The following IFNGR1 variants were observed in gnomAD, a reference collection of about 807,000 sequenced individuals.
IFNGR1 encodes interferon gamma receptor 1.
Under a neutral mutation model 35.4 loss-of-function variants are expected in IFNGR1, and 23 were observed. That is an observed-to-expected ratio of 0.65 (90% CI 0.47 to 0.92). The LOEUF (loss-of-function observed/expected upper bound fraction) is 0.92. Among genes scored for constraint, IFNGR1 ranks in the 40% least tolerant of loss-of-function variants. The pLI is 0.00. For missense variants in IFNGR1, 533 were observed against 583.4 expected, an observed-to-expected ratio of 0.91 and a Z score of 0.89; for synonymous variants, 199 against 209.5, an observed-to-expected ratio of 0.95 and a Z score of 0.43.
In IFNGR1 at chr6:137,212,830, G is replaced by C. The variant is rs140362347; in HGVS notation, c.86-5753C>G. On this transcript the variant is annotated intron_variant, in intron 1 of 6. Coordinates refer to ENST00000367739, the MANE Select transcript of IFNGR1 (RefSeq NM_000416.3). ...CCTGATATGGTTAGACTAGGACAAG[G>C]ACTTAAATCATAGCTTTCAAAGCAA... Among the ~76,000 whole-genome samples the C allele has an allele frequency of 2.2e-3, 329 of 152,282 alleles. 1 individual carries two copies. Among genetic ancestry groups the C allele is most frequent in the African/African-American group, 7.0e-3 (290 of 41,560 alleles).
intron 1 of IFNGR1, among the ~76,000 whole-genome samples, chr6:137,210,947 T>C (rs1213114248): frequency 6.6e-6 from 1 of 152,204 alleles, no homozygotes; most frequent in Non-Finnish European, 1.5e-5. Flanking sequence ...TTTAGGTAAA[T>C]AATAGGCACT....
chr6:137,219,168 G>A (rs1298664446), intron 1 of IFNGR1, 75 bp downstream of exon 1: 1 of 1,534,816 alleles, frequency 6.5e-7, no homozygotes, highest in African/African-American at 1.4e-5. Flanking sequence ...AGCGGGGCGG[G>A]GCTTCCCGGC....
chr6:137,208,786 G>A (rs981645315), intron 1 of IFNGR1, among the ~76,000 whole-genome samples: 3 of 152,196 alleles, frequency 2.0e-5, no homozygotes, highest in African/African-American at 4.8e-5. Context: ...ATGTGAGGTC[G>A]GAGCCCTCAC....
rs1739441083 is a variant in IFNGR1, at chr6:137,219,382, C to G, written c.-55G>C. On this transcript the variant is annotated 5_prime_UTR_variant, in exon 1 of 7. Transcript: ENST00000367739. The stretch of plus-strand genomic sequence containing the variant: ...CCGAGCGCCTGCGGGACCAGCCCAG[C>G]ACTGCCCTCCAGCCCCGGCCTTACG... 1 of 1,563,816 alleles carries G rather than the reference C, an allele frequency of 6.4e-7. No homozygotes were observed. Among genetic ancestry groups the G allele is most frequent in the Non-Finnish European group, 8.7e-7 (1 of 1,154,176 alleles).
intron 6 of IFNGR1, among the ~76,000 whole-genome samples, chr6:137,200,600 G>A (rs930357949): frequency 2.0e-5 from 3 of 151,882 alleles, no homozygotes; most frequent in South Asian, 2.1e-4. Context: ...TCTATCACAC[G>A]TTATATAGCC....
intron 6 of IFNGR1, among the ~76,000 whole-genome samples, chr6:137,200,027 C>T (rs1008739034): frequency 7.2e-5 from 11 of 152,104 alleles, no homozygotes; most frequent in Admixed American, 1.3e-4. Context: ...AGCATTTACC[C>T]GTTATGCTAC....
intron 1 of IFNGR1, among the ~76,000 whole-genome samples, chr6:137,207,686 T>C (rs1295561734): frequency 6.6e-6 from 1 of 152,202 alleles, no homozygotes; most frequent in Non-Finnish European, 1.5e-5. Context: ...AAGAAGTGCC[T>C]TTCTCCCCCG....
At position 137,198,064 on chromosome 6, in the gene IFNGR1, A is replaced by G; in HGVS notation, c.1437T>C (p.Tyr479=). The G allele has an allele frequency of 6.2e-7, 1 of 1,614,166 alleles. No individual in the cohort carries two copies. The highest frequency in any genetic ancestry group is 8.5e-7 in the Non-Finnish European group (1 of 1,180,010). The change falls in exon 7 of 7, where the codon TAT becomes TAC. Residue 479 remains tyrosine (Y), a synonymous_variant. Coordinates refer to ENST00000367739, the MANE Select transcript of IFNGR1 (RefSeq NM_000416.3). ...DDSGKESLIG[Y]RPTEDSKEFS is the part of the protein sequence containing the mutation. The stretch of plus-strand genomic sequence containing the variant: ...ATTCTTTGGAATCTTCTGTTGGTCT[A>G]TAACCAATCAAGGACTCTTTACCGC...
rs1779792226 is a variant in IFNGR1 at position 137,219,384 on chromosome 6, C to T, written c.-57G>A. 13 of 1,560,982 alleles carry T rather than the reference C, an allele frequency of 8.3e-6. 1 individual carries two copies. The South Asian group carries it at 1.1e-4, about 13-fold the overall frequency. On this transcript the variant is annotated 5_prime_UTR_variant, in exon 1 of 7. The change creates a new upstream start codon in the 5' untranslated region. Transcript: ENST00000367739. ...GAGCGCCTGCGGGACCAGCCCAGCA[C>T]TGCCCTCCAGCCCCGGCCTTACGTC...
At chr6:137,206,828 A>T in intron 2 of IFNGR1, 135 bp downstream of exon 2, 1 of 664,674 alleles carries the variant, frequency 1.5e-6, no homozygotes, top group Non-Finnish European at 2.6e-6. Flanking sequence ...TTGCATCTTT[A>T]GTACTTTTGG....
intron 1 of IFNGR1, among the ~76,000 whole-genome samples, chr6:137,217,081 G>T (rs1281723132): frequency 2.6e-5 from 4 of 152,210 alleles, no homozygotes; most frequent in African/African-American, 4.8e-5. Flanking sequence ...CGCTATGCCT[G>T]CGCTAGCGTT....
At chr6:137,204,288 T>C (rs753022648) in intron 4 of IFNGR1, 44 bp downstream of exon 4, 6 of 1,531,068 alleles carry the variant, frequency 3.9e-6, no homozygotes, top group Non-Finnish European at 1.8e-6. Flanking sequence ...CAACTTTTGC[T>C]AGCTACACAA....
intron 1 of IFNGR1, among the ~76,000 whole-genome samples, chr6:137,212,446 T>C (rs1779598937): frequency 6.6e-6 from 1 of 152,104 alleles, no homozygotes; most frequent in South Asian, 2.1e-4. Flanking sequence ...TTAGTAGAGA[T>C]GGGGTTTCAC....
At chr6:137,204,717 C>T (rs905457405) in intron 3 of IFNGR1, among the ~76,000 whole-genome samples, 5 of 151,990 alleles carry the variant, frequency 3.3e-5, no homozygotes, top group Non-Finnish European at 5.9e-5. Flanking sequence ...AAGAAGTACT[C>T]TTATTTAATC....
At chr6:137,201,145 C>G in intron 5 of IFNGR1, 137 bp from the exon 6 acceptor site, 2 of 901,576 alleles carry the variant, frequency 2.2e-6, no homozygotes. Context: ...CTGAAGGAAG[C>G]AGAAGTTAGG....
chr6:137,210,331 C>T (rs1384933203), intron 1 of IFNGR1, among the ~76,000 whole-genome samples: 2 of 151,944 alleles, frequency 1.3e-5, no homozygotes, highest in African/African-American at 4.8e-5. Flanking sequence ...TCATTTTTCC[C>T]CACTGTTTGG....
Position 137,216,538 on chromosome 6 carries a change from A to T in IFNGR1, c.85+2705T>A, listed in dbSNP as rs140488074. The stretch of plus-strand genomic sequence containing the variant: ...GGAGACTGACTATATCACCATATTC[A>T]CTTGTCTGCTTCCCTGTTCTTACCA... On this transcript the variant is annotated intron_variant, in intron 1 of 6. Transcript: ENST00000367739. Among the ~76,000 whole-genome samples, 326 of 152,268 alleles carry T rather than the reference A, an allele frequency of 2.1e-3. 2 individuals carry two copies. The highest frequency in any genetic ancestry group is 6.9e-3 in the African/African-American group (287 of 41,548).
Position 137,204,436 on chromosome 6 carries a change from G to A in IFNGR1, c.442C>T (p.Pro148Ser), listed in dbSNP as rs765210093. Residue 148 changes from proline to serine, a missense_variant, in exon 4 of 7, where the codon CCT becomes TCT. Physicochemically the swap from Pro to Ser is moderately conservative, Grantham distance 74. Transcript: ENST00000367739. ...EKQIMIDIFHPSVFVNGDEQE... is the reference protein window; with the variant it reads ...EKQIMIDIFHSSVFVNGDEQE... Reference sequence around the variant, plus strand: ...TCGTCTCCATTTACAAAAACTGAAGGGTGAAATATGTCAATCATGATTTGC... The same window carrying A: ...TCGTCTCCATTTACAAAAACTGAAGAGTGAAATATGTCAATCATGATTTGC... 2.5e-6 allele frequency: 4 copies of A among 1,613,710 alleles called. No individual in the cohort carries two copies. The highest frequency in any genetic ancestry group is 3.4e-6 in the Non-Finnish European group (4 of 1,179,702).
intron 1 of IFNGR1, 52 bp downstream of exon 1, chr6:137,219,191 C>T (rs56198266): frequency 2.4e-4 from 371 of 1,557,206 alleles, no homozygotes; most frequent in Non-Finnish European, 3.0e-4. Context: ...GGGCGGATCC[C>T]TCCCTCCCTC....
Sources: gnomAD v4.1 joint callset for allele counts (sites outside exome capture counted in the v4.1 genomes callset) on GRCh38, gnomAD v4.1.1 for gene constraint, MANE v1.5 for transcripts, NCBI Gene and HGNC (gene_info 2026-07-23, HGNC 2026-07-21) for gene names.